The following TNKS variants were observed in gnomAD, a reference collection of about 807,000 sequenced individuals.
The protein encoded by TNKS is tankyrase.
Under a neutral mutation model 135.8 loss-of-function variants are expected in TNKS, and 72 were observed. That is an observed-to-expected ratio of 0.53 (90% confidence interval 0.44 to 0.64). The LOEUF is 0.64. TNKS is among the 30% of genes least tolerant of loss of function. The pLI, the probability that TNKS is intolerant of heterozygous loss-of-function variation, is 0.00. For missense variants in TNKS, 1,769 were observed against 1,674.0 expected (o/e 1.06, Z -0.99); for synonymous variants, 849 against 649.3 (o/e 1.31, Z -4.68).
chr8:9,556,211 G>C lies in TNKS; in HGVS notation c.272G>C (p.Ser91Thr), dbSNP rs1815288640. The C allele has an allele frequency of 6.2e-7, 1 of 1,614,018 alleles. No individual in the cohort carries two copies. The highest frequency in any genetic ancestry group is 1.3e-5 in the African/African-American group (1 of 74,944). ...CCGGTTGACGGTACCAGCTGTTGCA[G>C]TACCACCAGCACAATCTGTACCGTC... ...PDPVDGTSCC[S>T]TTSTICTVAA... Residue 91 changes from serine (S) to threonine (T), a missense_variant, in exon 1 of 27, where the codon AGT becomes ACT. Transcript: ENST00000310430.
intron 17 of TNKS, among the ~76,000 whole-genome samples, chr8:9,745,011 A>G (rs1170795957): frequency 2.6e-5 from 4 of 152,216 alleles, no homozygotes; most frequent in Non-Finnish European, 5.9e-5. Context: ...AAATTAGTCT[A>G]CCAGATTATA....
intron 3 of TNKS, among the ~76,000 whole-genome samples, chr8:9,624,029 C>T (rs1267901448): frequency 6.6e-6 from 1 of 151,340 alleles, no homozygotes; most frequent in African/African-American, 2.4e-5. Flanking sequence ...ACAACAACAA[C>T]AACAACAACA....
chr8:9,752,486 A>C (rs2128828825), intron 19 of TNKS, 58 bp from the exon 20 acceptor site: 2 of 1,363,608 alleles, frequency 1.5e-6, no homozygotes, highest in Middle Eastern at 2.2e-4. Context: ...TGGATACTGA[A>C]ATTTTCTTTA....
chr8:9,717,102 T>TATATATATATATATATATATATATATATA (rs60792807), intron 11 of TNKS, among the ~76,000 whole-genome samples: 55 of 122,818 alleles, frequency 4.5e-4, no homozygotes, highest in Non-Finnish European at 5.4e-4. Context: ...TATATATATA[T>TATATATATATATATATATATATATATATA]TTTCAGGGAA....
At chr8:9,708,612 G>C in intron 9 of TNKS, 120 bp downstream of exon 9, 3 of 1,071,124 alleles carry the variant, frequency 2.8e-6, no homozygotes, top group South Asian at 5.8e-5. Flanking sequence ...GAATTTGCAT[G>C]TTAATTTTGG....
At chr8:9,707,810 C>G (rs909206412) in intron 8 of TNKS, among the ~76,000 whole-genome samples, 1 of 152,042 alleles carries the variant, frequency 6.6e-6, no homozygotes, top group Admixed American at 6.6e-5. Flanking sequence ...TAGTCCTTTC[C>G]TTTTCTGTGT....
At chr8:9,760,267 C>G (rs956141112) in intron 20 of TNKS, among the ~76,000 whole-genome samples, 7 of 152,050 alleles carry the variant, frequency 4.6e-5, no homozygotes, top group African/African-American at 1.7e-4. Context: ...TGAAACCTTT[C>G]TTTTGGGTGG....
intron 3 of TNKS, among the ~76,000 whole-genome samples, chr8:9,655,592 G>A (rs936733480): frequency 3.9e-5 from 6 of 152,118 alleles, no homozygotes; most frequent in Non-Finnish European, 5.9e-5. Context: ...ACCAATATCC[G>A]CTGTTCTGCA....
At position 9,556,325 on chromosome 8, in the gene TNKS, C is replaced by T. The variant is rs780197822; in HGVS notation, c.386C>T (p.Pro129Leu). 2.5e-6 allele frequency: 4 copies of T among 1,614,240 alleles called. No individual in the cohort carries two copies. The highest frequency in any genetic ancestry group is 1.1e-5 in the South Asian group (1 of 91,090). Residue 129 changes from proline (P) to leucine (L), a missense_variant, in exon 1 of 27, where the codon CCG (proline) becomes CTG (leucine). By Grantham distance (98) the Pro-to-Leu change is moderately conservative (BLOSUM62 -3). Transcript: ENST00000310430. ...GCCGGCAGTGGCAGTAACAATTCAC[C>T]GTCGTCCTCTTCTTCCCCGACTTCT... Reference protein sequence around the residue: ...NPAGSGSNNSPSSSSSPTSSS... With the variant: ...NPAGSGSNNSLSSSSSPTSSS...
intron 20 of TNKS, among the ~76,000 whole-genome samples, chr8:9,757,288 C>G (rs1038189370): frequency 5.3e-5 from 8 of 152,104 alleles, no homozygotes; most frequent in African/African-American, 1.9e-4. Flanking sequence ...CTCTGGTATA[C>G]TTCTAAGCCT....
intron 3 of TNKS, among the ~76,000 whole-genome samples, chr8:9,659,489 G>A (rs1801589985): frequency 6.6e-6 from 1 of 151,956 alleles, no homozygotes; most frequent in African/African-American, 2.4e-5. Flanking sequence ...ATGACTACTG[G>A]GTACCTAACA....
intron 3 of TNKS, chr8:9,670,230 G>C (rs1802213093): frequency 6.6e-6 from 1 of 152,174 alleles, no homozygotes; most frequent in African/African-American, 2.4e-5. Flanking sequence ...CATGTTAGTG[G>C]TTTTTTCAAA....
At chr8:9,657,648 G>A (rs1359240468) in intron 3 of TNKS, among the ~76,000 whole-genome samples, 10 of 85,042 alleles carry the variant, frequency 1.2e-4, no homozygotes, top group African/African-American at 4.2e-4. Flanking sequence ...GCCGGGTGGG[G>A]GGGCTGACCC....
chr8:9,604,658 A>G (rs1003711144), intron 2 of TNKS, among the ~76,000 whole-genome samples: 1 of 151,880 alleles, frequency 6.6e-6, no homozygotes, highest in Non-Finnish European at 1.5e-5. Flanking sequence ...TGATTAATGA[A>G]TTTATCCTGT....
intron 3 of TNKS, among the ~76,000 whole-genome samples, chr8:9,633,710 G>A (rs1585256606): frequency 6.6e-6 from 1 of 152,314 alleles, no homozygotes; most frequent in East Asian, 1.9e-4. Flanking sequence ...TGCTCCGGAA[G>A]CAGCAAACTG....
intron 13 of TNKS, 35 bp downstream of exon 13, chr8:9,726,755 G>A (rs747431817): frequency 3.4e-5 from 52 of 1,520,422 alleles, no homozygotes; most frequent in Non-Finnish European, 4.7e-5. Context: ...GAATAGCACT[G>A]TTGAACTTTG....
chr8:9,745,029 G>A (rs1012822508), intron 17 of TNKS, among the ~76,000 whole-genome samples: 12 of 152,110 alleles, frequency 7.9e-5, no homozygotes, highest in African/African-American at 2.9e-4. Flanking sequence ...ATATTATTCG[G>A]CCTGTAAACA....
chr8:9,589,304 C>G (rs1299625902), intron 2 of TNKS, among the ~76,000 whole-genome samples: 2 of 152,086 alleles, frequency 1.3e-5, no homozygotes, highest in Non-Finnish European at 2.9e-5. Context: ...GTGGAGTTAG[C>G]TAATGAAAGG....
chr8:9,748,224 T>A lies in TNKS; in HGVS notation c.2832+12T>A. 1 of 1,493,610 alleles carries A rather than the reference T, an allele frequency of 6.7e-7. No individual in the cohort carries two copies. Among genetic ancestry groups the A allele is most frequent in the Non-Finnish European group, 9.0e-7 (1 of 1,115,890 alleles). The allele number at this position is 1,493,610 out of a possible 1,614,324, so 92.5% of individuals were successfully genotyped here. A position where few individuals can be genotyped will look rare whatever the true frequency, so the allele number is the denominator to read the frequency against. ...TGGATCTGGCAACAGTAAGTCCTCATTTCAGATACTGATTATTGTTCCTTC... is the reference window on the plus strand; with the variant it reads ...TGGATCTGGCAACAGTAAGTCCTCAATTCAGATACTGATTATTGTTCCTTC... On this transcript the variant is annotated intron_variant, in intron 18 of 26. Coordinates refer to ENST00000310430, the MANE Select transcript of TNKS (RefSeq NM_003747.3).
Sources: gnomAD v4.1 joint callset for allele counts (sites outside exome capture counted in the v4.1 genomes callset) on GRCh38, gnomAD v4.1.1 for gene constraint, MANE v1.5 for transcripts, NCBI Gene and HGNC (gene_info 2026-07-23, HGNC 2026-07-21) for gene names.